NFE2L3: variants seen among roughly 807,000 people sequenced by gnomAD.
NFE2L3 encodes NFE2 like bZIP transcription factor 3.
In NFE2L3, 18 loss-of-function variants were observed where a neutral mutation model predicts 23.5. The observed-to-expected ratio is 0.77, with a 90% confidence interval of 0.53 to 1.13. NFE2L3 has a LOEUF of 1.13. NFE2L3 is among the 50% of genes most tolerant of loss of function. The pLI is 0.00. For missense variants in NFE2L3, 1,152 were observed against 877.2 expected (o/e 1.31, Z -3.96); for synonymous variants, 424 against 354.5 (o/e 1.20, Z -2.20).
At chr7:26,160,302 G>T (rs1394031588) in intron 1 of NFE2L3, among the ~76,000 whole-genome samples, 1 of 152,188 alleles carries the variant, frequency 6.6e-6, no homozygotes, top group Non-Finnish European at 1.5e-5. Flanking sequence ...GCTGAAGCCT[G>T]CCTAGGCTGA....
At chr7:26,157,466 A>C (rs2128097283) in intron 1 of NFE2L3, among the ~76,000 whole-genome samples, 1 of 152,262 alleles carries the variant, frequency 6.6e-6, no homozygotes, top group East Asian at 1.9e-4. Flanking sequence ...CTAAGAGTAA[A>C]GGAAAGAGAA....
rs780328342 is a variant in NFE2L3 at position 26,185,462 on chromosome 7, T to A, written c.1764T>A (p.Asn588Lys). 5.0e-6 allele frequency: 8 copies of A among 1,613,988 alleles called. No individual in the cohort carries two copies. The highest frequency in any genetic ancestry group is 1.1e-5 in the South Asian group (1 of 91,074). The stretch of plus-strand genomic sequence containing the variant: ...GTGACATCAGACGAAGAGGGAAAAA[T>A]AAAGTTGCTGCGCAGAACTGTCGTA... ...LIRDIRRRGK[N>K]KVAAQNCRKR... The change falls in exon 4 of 4, where the codon AAT becomes AAA. Residue 588 changes from asparagine (N) to lysine (K), a missense_variant. Coordinates refer to ENST00000056233, the MANE Select transcript of NFE2L3 (RefSeq NM_004289.7).
chr7:26,179,649 T>C (rs1007438675), intron 2 of NFE2L3, among the ~76,000 whole-genome samples: 5 of 152,066 alleles, frequency 3.3e-5, no homozygotes, highest in African/African-American at 1.2e-4. Flanking sequence ...GAGGCTGCAG[T>C]GATCCGTCAT....
At chr7:26,167,248 T>TTG (rs1251504296) in intron 1 of NFE2L3, among the ~76,000 whole-genome samples, 2 of 152,094 alleles carry the variant, frequency 1.3e-5, no homozygotes, top group African/African-American at 4.8e-5. Context: ...CCCATATAAT[T>TTG]TGTGATTTTA....
rs1164244273 is a variant in NFE2L3 at position 26,185,282 on chromosome 7, TGAA to T, written c.1587_1589del (p.Glu529del). The T allele has an allele frequency of 3.7e-6, 6 of 1,614,048 alleles. No homozygotes were observed. The highest frequency in any genetic ancestry group is 5.1e-6 in the Non-Finnish European group (6 of 1,180,016). ...CACAGAAGATAAGGAGTAGATACCT[TGAA>T]GACACAGATAGAAACTTGAGCCGTG... On this transcript the variant is annotated inframe_deletion, in exon 4 of 4. Transcript: ENST00000056233.
chr7:26,155,331 A>G (rs1784064257), intron 1 of NFE2L3, among the ~76,000 whole-genome samples: 1 of 151,894 alleles, frequency 6.6e-6, no homozygotes, highest in Non-Finnish European at 1.5e-5. Context: ...AGTCCCAGCT[A>G]CTCGGGAGGC....
chr7:26,172,266 C>T (rs369946538), intron 1 of NFE2L3, among the ~76,000 whole-genome samples: 1 of 152,146 alleles, frequency 6.6e-6, no homozygotes, highest in Non-Finnish European at 1.5e-5. Context: ...TTTAGGTGAA[C>T]CTTTTAGCTA....
At chr7:26,156,129 T>TA (rs1475435473) in intron 1 of NFE2L3, among the ~76,000 whole-genome samples, 4 of 152,204 alleles carry the variant, frequency 2.6e-5, no homozygotes, top group African/African-American at 9.7e-5. Flanking sequence ...ACAAGTTGCT[T>TA]ATCCTTTCTG....
Position 26,184,626 on chromosome 7 carries a change from A to T in NFE2L3, c.928A>T (p.Ser310Cys). ...HYHVNFSQAI[S>C]QDVNLHEAIL... ...TCATGTAAACTTCAGCCAGGCTATA[A>T]GTCAGGATGTGAATCTTCATGAGGC... is the stretch of plus-strand genomic sequence containing the variant. Residue 310 changes from serine (S) to cysteine (C), a missense_variant, in exon 4 of 4, where the codon AGT becomes TGT. Transcript: ENST00000056233. The T allele has an allele frequency of 1.2e-6, 2 of 1,613,906 alleles. No individual in the cohort carries two copies. The highest frequency in any genetic ancestry group is 2.2e-5 in the South Asian group (2 of 91,078).
Position 26,184,664 on chromosome 7 carries a change from T to C in NFE2L3, c.966T>C (p.Cys322=), listed in dbSNP as rs745490757. The change falls in exon 4 of 4, where the codon TGT becomes TGC. Residue 322 remains cysteine (C), a synonymous_variant. Transcript: ENST00000056233. ...DVNLHEAILL[C]PNNTFRRDPT... ...ATCTTCATGAGGCCATCTTGCTTTG[T>C]CCCAACAATACATTTAGAAGAGATC... is the stretch of plus-strand genomic sequence containing the variant. The C allele has an allele frequency of 6.2e-7, 1 of 1,613,942 alleles. No homozygotes were observed.
chr7:26,183,656 T>C (rs756921598), intron 2 of NFE2L3, 45 bp from the exon 3 acceptor site: 16 of 1,215,076 alleles, frequency 1.3e-5, no homozygotes, highest in African/African-American at 3.0e-5. Flanking sequence ...CCCCAACCAG[T>C]TCAGTCTTTT....
At chr7:26,174,422 G>A (rs960539829) in intron 1 of NFE2L3, 1 of 152,180 alleles carries the variant, frequency 6.6e-6, no homozygotes, top group African/African-American at 2.4e-5. Flanking sequence ...AGGCTGATGC[G>A]AATTGTCCAG....
chr7:26,176,838 C>A (rs1382502310), intron 1 of NFE2L3, among the ~76,000 whole-genome samples: 1 of 128,076 alleles, frequency 7.8e-6, no homozygotes, highest in Non-Finnish European at 1.7e-5. Context: ...CTCCTCACTT[C>A]CCAGACGATG....
intron 2 of NFE2L3, among the ~76,000 whole-genome samples, chr7:26,178,564 C>T (rs1381485196): frequency 6.6e-6 from 1 of 152,204 alleles, no homozygotes; most frequent in East Asian, 1.9e-4. Context: ...TTTGTTCAGT[C>T]TCCTGGCAGG....
chr7:26,183,318 T>C (rs1382785087), intron 2 of NFE2L3, among the ~76,000 whole-genome samples: 4 of 152,002 alleles, frequency 2.6e-5, no homozygotes, highest in African/African-American at 4.8e-5. Flanking sequence ...GAGGCCTAGG[T>C]GGGTGGATCA....
rs1782489523 is a variant in NFE2L3 at position 26,186,445 on chromosome 7, A to G, written c.*662A>G. 6.6e-6 allele frequency: 1 copy of G among 152,164 alleles called. No homozygotes were observed. The highest frequency in any genetic ancestry group is 2.4e-5 in the African/African-American group (1 of 41,300). 9.4% of individuals were successfully genotyped at this position (152,164 alleles called of 1,614,324 possible). On this transcript the variant is annotated 3_prime_UTR_variant, in exon 4 of 4. Coordinates refer to ENST00000056233, the MANE Select transcript of NFE2L3 (RefSeq NM_004289.7). Reference sequence around the variant, plus strand: ...AATTGAGGTCAACATAGTATGCCAAATCCATAGTAAGGCAAATCCACCCCC... The same window carrying G: ...AATTGAGGTCAACATAGTATGCCAAGTCCATAGTAAGGCAAATCCACCCCC...
rs748472666 is a variant in NFE2L3, at chr7:26,185,513, T to A, written c.1815T>A (p.Asn605Lys). 3.7e-6 allele frequency: 6 copies of A among 1,613,980 alleles called. No homozygotes were observed. In the South Asian group the frequency reaches 6.6e-5, roughly 18 times the overall value. The change falls in exon 4 of 4, where the codon AAT (asparagine) becomes AAA (lysine). Residue 605 changes from asparagine to lysine, a missense_variant. Physicochemically the swap from Asn to Lys is moderately conservative, Grantham distance 94. Transcript: ENST00000056233. ...CRKRKLDIIL[N>K]LEDDVCNLQA... ...AACGCAAATTGGACATAATTTTGAA[T>A]TTAGAAGATGATGTATGTAACTTGC...
rs1562681007 is a variant in NFE2L3, at chr7:26,185,288, C to T, written c.1590C>T (p.Asp530=). 1.2e-6 allele frequency: 2 copies of T among 1,613,980 alleles called. No homozygotes were observed. Among genetic ancestry groups the T allele is most frequent in the Admixed American group, 1.7e-5 (1 of 60,002 alleles). Reference sequence around the variant, plus strand: ...AGATAAGGAGTAGATACCTTGAAGACACAGATAGAAACTTGAGCCGTGATG... The same window carrying T: ...AGATAAGGAGTAGATACCTTGAAGATACAGATAGAAACTTGAGCCGTGATG... ...SQKIRSRYLE[D]TDRNLSRDEQ... is the part of the protein sequence containing the mutation. The change falls in exon 4 of 4, where the codon GAC becomes GAT. Residue 530 remains aspartate (D), a synonymous_variant. Coordinates refer to ENST00000056233, the MANE Select transcript of NFE2L3 (RefSeq NM_004289.7).
intron 1 of NFE2L3, among the ~76,000 whole-genome samples, chr7:26,153,821 T>A (rs561287854): frequency 2.8e-4 from 42 of 152,182 alleles, no homozygotes; most frequent in Non-Finnish European, 5.7e-4. Flanking sequence ...CATCTGGTGC[T>A]CCCCATGGAA....
Sources: gnomAD v4.1 joint callset for allele counts (sites outside exome capture counted in the v4.1 genomes callset) on GRCh38, gnomAD v4.1.1 for gene constraint, MANE v1.5 for transcripts, NCBI Gene and HGNC (gene_info 2026-07-23, HGNC 2026-07-21) for gene names.